MYOF: variants seen among roughly 807,000 people sequenced by gnomAD.
MYOF encodes the protein myoferlin, also known as fer-1-like 3, myoferlin.
Under a neutral mutation model 284.2 loss-of-function variants are expected in MYOF, and 244 were observed. The observed-to-expected ratio is 0.86, with a 90% CI of 0.77 to 0.95. The LOEUF (loss-of-function observed/expected upper bound fraction) is 0.95, where lower values mean the gene tolerates loss of function less well. Ranked by LOEUF, MYOF falls within the 40% of genes least tolerant of loss-of-function variation. The pLI is 0.00. For missense variants in MYOF, 2,496 were observed against 2,560.6 expected (o/e 0.97, Z 0.54); for synonymous variants, 904 against 919.7 (o/e 0.98, Z 0.31).
intron 1 of MYOF, among the ~76,000 whole-genome samples, chr10:93,481,655 C>T (rs1489423043): frequency 2.6e-5 from 4 of 152,158 alleles, no homozygotes; most frequent in Non-Finnish European, 5.9e-5. Context: ...CCCATCCCAC[C>T]TCCCAGAAAC....
intron 39 of MYOF, chr10:93,338,528 C>T (rs1843718085): frequency 4.4e-6 from 2 of 456,340 alleles, no homozygotes; most frequent in Admixed American, 4.7e-5. Flanking sequence ...CATCTACCTG[C>T]CTCCATGTAC....
rs777352739 is a variant in MYOF at position 93,337,900 on chromosome 10, AC to A, written c.4351del (p.Val1451TrpfsTer35). The A allele has an allele frequency of 6.2e-7, 1 of 1,613,902 alleles. No individual in the cohort carries two copies. Among genetic ancestry groups the A allele is most frequent in the Admixed American group, 1.7e-5 (1 of 60,002 alleles). On this transcript the variant is annotated frameshift_variant, in exon 40 of 54. Coordinates refer to ENST00000359263, the MANE Select transcript of MYOF (RefSeq NM_013451.4). LOFTEE classifies it high-confidence loss of function. ...SKLTEKEEEI[V>X]DWWSKFYASS... is the part of the protein sequence containing the mutation. ...AGCATAAAATTTACTCCACCAGTCCACGATTTCTTCCTCCTAAAGACATGCC... is the reference window on the plus strand; with the variant it reads ...AGCATAAAATTTACTCCACCAGTCCAGATTTCTTCCTCCTAAAGACATGCC...
intron 5 of MYOF, among the ~76,000 whole-genome samples, chr10:93,421,964 T>C (rs1313925400): frequency 6.6e-6 from 1 of 151,844 alleles, no homozygotes; most frequent in Admixed American, 6.6e-5. Context: ...TGAAGGAAAG[T>C]TTCTCTTAGC....
At chr10:93,447,039 A>G (rs1212654508) in intron 3 of MYOF, among the ~76,000 whole-genome samples, 1 of 152,154 alleles carries the variant, frequency 6.6e-6, no homozygotes, top group Non-Finnish European at 1.5e-5. Context: ...TATACTCAAT[A>G]GGCATCATAA....
intron 1 of MYOF, among the ~76,000 whole-genome samples, chr10:93,459,131 C>T (rs1259841555): frequency 1.3e-5 from 2 of 152,206 alleles, no homozygotes; most frequent in Non-Finnish European, 2.9e-5. Flanking sequence ...CTCTATGTGG[C>T]CTACAGAGCC....
intron 5 of MYOF, among the ~76,000 whole-genome samples, chr10:93,425,250 A>G (rs1433574113): frequency 6.6e-6 from 1 of 151,890 alleles, no homozygotes; most frequent in Non-Finnish European, 1.5e-5. Flanking sequence ...CAGGAGGGAG[A>G]GTTTCAAGGA....
intron 38 of MYOF, among the ~76,000 whole-genome samples, chr10:93,341,044 A>G (rs1843882245): frequency 6.6e-6 from 1 of 152,168 alleles, no homozygotes; most frequent in Non-Finnish European, 1.5e-5. Flanking sequence ...GTTCAGCACA[A>G]TGCAATTGCC....
intron 5 of MYOF, among the ~76,000 whole-genome samples, chr10:93,418,648 C>A (rs1229773673): frequency 6.6e-6 from 1 of 152,206 alleles, no homozygotes; most frequent in African/African-American, 2.4e-5. Context: ...AAATGTACGA[C>A]TGCAGCGTTT....
chr10:93,338,937 C>A (rs1168239661), intron 39 of MYOF, among the ~76,000 whole-genome samples: 7 of 142,270 alleles, frequency 4.9e-5, no homozygotes, highest in Non-Finnish European at 7.5e-5. Flanking sequence ...AAAAAAAAAA[C>A]AAACAAAAAA....
chr10:93,315,688 T>A (rs567794603), intron 50 of MYOF, among the ~76,000 whole-genome samples: 2 of 152,088 alleles, frequency 1.3e-5, no homozygotes, highest in African/African-American at 2.4e-5. Flanking sequence ...AGGCTACACG[T>A]CCTGGTTTAG....
intron 11 of MYOF, among the ~76,000 whole-genome samples, 161 bp from the exon 12 acceptor site, chr10:93,401,705 T>G (rs1847300972): frequency 6.6e-6 from 1 of 152,112 alleles, no homozygotes; most frequent in Non-Finnish European, 1.5e-5. Flanking sequence ...CAGTTTTCCT[T>G]CAACCTCAAA....
chr10:93,348,001 ACCTG>A (rs1844314860), intron 36 of MYOF, among the ~76,000 whole-genome samples: 1 of 152,220 alleles, frequency 6.6e-6, no homozygotes, highest in East Asian at 1.9e-4. Context: ...ACCATGAACT[ACCTG>A]GCTAACCCTT....
At position 93,343,911 on chromosome 10, in the gene MYOF, G is replaced by T. The variant is rs780209361; in HGVS notation, c.4271C>A (p.Pro1424Gln). 2 of 1,614,180 alleles carry T rather than the reference G, an allele frequency of 1.2e-6. No individual in the cohort carries two copies. Among genetic ancestry groups the T allele is most frequent in the Non-Finnish European group, 1.7e-6 (2 of 1,180,018 alleles). Residue 1424 changes from proline (P) to glutamine (Q), a missense_variant, in exon 38 of 54, where the codon CCA (proline) becomes CAA (glutamine). Around this residue, in one of 3 missense-constraint regions of MYOF, gnomAD observed 2,436 missense variants for 2,480.7 expected, o/e 0.98. Transcript: ENST00000359263. ...QLKASLLSAPPCRDIVIEMED... is the reference protein window; with the variant it reads ...QLKASLLSAPQCRDIVIEMED... ...CATTTCGATAACGATGTCCCGGCAT[G>T]GTGGGGCAGACAGAAGGGAGGCTGC...
chr10:93,423,551 A>G (rs1441234819), intron 5 of MYOF, among the ~76,000 whole-genome samples: 3 of 143,608 alleles, frequency 2.1e-5, no homozygotes, highest in Non-Finnish European at 3.0e-5. Flanking sequence ...AAAAAAAAAA[A>G]AGCCGAGTGC....
chr10:93,319,592 C>CTAATACAAAACCGTTACTTCTACCCTT (rs1842764055), intron 49 of MYOF, among the ~76,000 whole-genome samples: 2 of 152,146 alleles, frequency 1.3e-5, no homozygotes, highest in Non-Finnish European at 2.9e-5. Context: ...GTTGTTTATA[C>CTAATACAAAACCGTTACTTCTACCCTT]TAATACAAAA....
chr10:93,374,249 T>A (rs1845732461), intron 23 of MYOF, among the ~76,000 whole-genome samples: 1 of 152,224 alleles, frequency 6.6e-6, no homozygotes, highest in Non-Finnish European at 1.5e-5. Context: ...ATTTTCTTAA[T>A]CCAGTCTATC....
chr10:93,390,661 A>T (rs1846632331), intron 17 of MYOF, among the ~76,000 whole-genome samples: 1 of 152,238 alleles, frequency 6.6e-6, no homozygotes. Flanking sequence ...CGATTAATTG[A>T]TCACTAATAA....
At chr10:93,405,124 T>A (rs1470898519) in intron 7 of MYOF, among the ~76,000 whole-genome samples, 1 of 147,160 alleles carries the variant, frequency 6.8e-6, no homozygotes, top group Non-Finnish European at 1.5e-5. Flanking sequence ...CTTTATCTCT[T>A]TTTTAAACTG....
chr10:93,359,681 C>T, intron 29 of MYOF, 152 bp downstream of exon 29: 1 of 919,294 alleles, frequency 1.1e-6, no homozygotes. Flanking sequence ...GATGATATTG[C>T]TGGCTGGGGT....
Sources: gnomAD v4.1 joint callset for allele counts (sites outside exome capture counted in the v4.1 genomes callset) on GRCh38, gnomAD v4.1.1 for gene constraint, gnomAD v4.1.1 regional missense constraint, MANE v1.5 for transcripts, NCBI Gene and HGNC (gene_info 2026-07-23, HGNC 2026-07-21) for gene names.